Variants in NRXN1 observed in about 807,000 individuals in gnomAD.
The protein encoded by NRXN1 is neurexin-1.
A neutral mutation model predicts 150.9 loss-of-function variants in NRXN1; 39 were observed. The ratio of observed to expected loss-of-function variants is 0.26; its 90% CI spans 0.20 to 0.34. NRXN1 has a LOEUF of 0.34. NRXN1 is among the 10% of genes least tolerant of loss of function. The pLI, the probability that NRXN1 is intolerant of heterozygous loss-of-function variation, is 1.00. For missense variants in NRXN1, 1,815 were observed against 1,949.9 expected (o/e 0.93, Z 1.30); for synonymous variants, 924 against 757.0 (o/e 1.22, Z -3.62).
At chr2:50,440,971 G>C (rs536058521) in intron 17 of NRXN1, among the ~76,000 whole-genome samples, 12 of 152,242 alleles carry the variant, frequency 7.9e-5, no homozygotes, top group Admixed American at 7.2e-4. Context: ...CTTCATCATA[G>C]ATACTCTCTG....
In NRXN1 at chr2:50,157,299, G is replaced by A. The variant is rs550005894; in HGVS notation, c.3547-65805C>T. ...TAAGAGTAGTTGGCATTGTATCTGCGTCTTAACTTTAAGCGTTTTCACCAG... is the reference window on the plus strand; with the variant it reads ...TAAGAGTAGTTGGCATTGTATCTGCATCTTAACTTTAAGCGTTTTCACCAG... On this transcript the variant is annotated intron_variant, in intron 18 of 22. Coordinates refer to ENST00000401669, the MANE Select transcript of NRXN1 (RefSeq NM_001330078.2). Among the ~76,000 whole-genome samples the A allele has an allele frequency of 3.9e-5, 6 of 152,026 alleles. No individual in the cohort carries two copies. In the South Asian group the frequency reaches 6.2e-4, roughly 16 times the overall value.
chr2:50,954,995 G>T (rs1692045474), intron 2 of NRXN1, among the ~76,000 whole-genome samples: 1 of 152,092 alleles, frequency 6.6e-6, no homozygotes. Context: ...GGGTGCAGCA[G>T]GTGAGGAAGA....
chr2:50,831,297 C>T (rs1671372203), intron 5 of NRXN1, among the ~76,000 whole-genome samples: 1 of 152,160 alleles, frequency 6.6e-6, no homozygotes, highest in Non-Finnish European at 1.5e-5. Context: ...AATAACAGAT[C>T]ACAGTGAATT....
At chr2:50,881,417 A>C (rs543986298) in intron 5 of NRXN1, among the ~76,000 whole-genome samples, 1 of 152,084 alleles carries the variant, frequency 6.6e-6, no homozygotes, top group East Asian at 2.0e-4. Context: ...TTATTCGGCT[A>C]TAAATTTTCT....
intron 21 of NRXN1, among the ~76,000 whole-genome samples, chr2:49,964,582 G>T (rs1676612890): frequency 6.6e-6 from 1 of 151,714 alleles, no homozygotes; most frequent in Non-Finnish European, 1.5e-5. Context: ...GCTCACATCT[G>T]TAATCCCAGC....
intron 2 of NRXN1, among the ~76,000 whole-genome samples, chr2:50,978,444 A>C: frequency 6.6e-6 from 1 of 151,136 alleles, no homozygotes; most frequent in Non-Finnish European, 1.5e-5. Context: ...CAATGTTGTT[A>C]ATGGCTGCAC....
intron 5 of NRXN1, among the ~76,000 whole-genome samples, chr2:50,845,387 G>A (rs1264781611): frequency 6.6e-6 from 1 of 152,168 alleles, no homozygotes; most frequent in South Asian, 2.1e-4. Context: ...TCTGGTAGAT[G>A]TTATCGTCTC....
chr2:50,085,457 T>C (rs867956282), intron 19 of NRXN1, among the ~76,000 whole-genome samples: 1 of 152,148 alleles, frequency 6.6e-6, no homozygotes, highest in Non-Finnish European at 1.5e-5. Context: ...CCCATATCTA[T>C]ACATTTAATG....
At chr2:50,461,974 T>A (rs532535077) in intron 17 of NRXN1, among the ~76,000 whole-genome samples, 1 of 151,956 alleles carries the variant, frequency 6.6e-6, no homozygotes, top group Non-Finnish European at 1.5e-5. Context: ...GGCAGTAATA[T>A]GCCATATGGA....
At chr2:50,307,790 T>G (rs527420756) in intron 17 of NRXN1, among the ~76,000 whole-genome samples, 1 of 152,192 alleles carries the variant, frequency 6.6e-6, no homozygotes, top group East Asian at 1.9e-4. Context: ...TCCCTTTATC[T>G]TTTCCGTGGA....
At chr2:50,750,835 A>C (rs1270395874) in intron 5 of NRXN1, among the ~76,000 whole-genome samples, 1 of 152,084 alleles carries the variant, frequency 6.6e-6, no homozygotes, top group Non-Finnish European at 1.5e-5. Flanking sequence ...AATGTGCAGA[A>C]CGTCATTCTT....
chr2:50,090,189 T>C (rs187124732), intron 19 of NRXN1, among the ~76,000 whole-genome samples: 3 of 152,308 alleles, frequency 2.0e-5, no homozygotes, highest in African/African-American at 7.2e-5. Context: ...TAGAATTCTA[T>C]AAACCAGAAA....
At chr2:50,940,986 T>C (rs1305864839) in intron 2 of NRXN1, among the ~76,000 whole-genome samples, 1 of 152,220 alleles carries the variant, frequency 6.6e-6, no homozygotes, top group Non-Finnish European at 1.5e-5. Context: ...TCCTAACGTG[T>C]TGGGAGATTG....
intron 5 of NRXN1, among the ~76,000 whole-genome samples, chr2:50,677,003 A>G (rs1038009723): frequency 1.3e-5 from 2 of 152,174 alleles, no homozygotes; most frequent in African/African-American, 4.8e-5. Flanking sequence ...GCATTCACAG[A>G]TAACAGGGCA....
intron 5 of NRXN1, among the ~76,000 whole-genome samples, chr2:50,779,745 G>T (rs966044604): frequency 6.6e-6 from 1 of 151,988 alleles, no homozygotes; most frequent in African/African-American, 2.4e-5. Flanking sequence ...TCCAGCCTGG[G>T]TGACAGAGCC....
At chr2:50,675,866 T>C (rs1003226281) in intron 5 of NRXN1, among the ~76,000 whole-genome samples, 5 of 151,992 alleles carry the variant, frequency 3.3e-5, no homozygotes, top group Non-Finnish European at 5.9e-5. Context: ...GTTAGCTCCA[T>C]CAAGAGCAAG....
chr2:50,268,015 C>T (rs531367329), intron 17 of NRXN1, among the ~76,000 whole-genome samples: 1 of 151,974 alleles, frequency 6.6e-6, no homozygotes, highest in South Asian at 2.1e-4. Context: ...CATGGCGAAA[C>T]CTCGTCTCTA....
chr2:50,762,227 G>C (rs1209670514), intron 5 of NRXN1, among the ~76,000 whole-genome samples: 1 of 151,574 alleles, frequency 6.6e-6, no homozygotes, highest in African/African-American at 2.4e-5. Context: ...ACACAGCCTT[G>C]AACTTCTGGA....
chr2:50,634,877 G>C (rs1194047286), intron 5 of NRXN1, among the ~76,000 whole-genome samples: 1 of 152,058 alleles, frequency 6.6e-6, no homozygotes, highest in Non-Finnish European at 1.5e-5. Flanking sequence ...ACTGACCTCT[G>C]CTGCCCTTCA....
Sources: gnomAD v4.1 joint callset for allele counts (sites outside exome capture counted in the v4.1 genomes callset) on GRCh38, gnomAD v4.1.1 for gene constraint, MANE v1.5 for transcripts, NCBI Gene and HGNC (gene_info 2026-07-23, HGNC 2026-07-21) for gene names.